The following TSC1 variants were observed in gnomAD, a reference collection of about 807,000 sequenced individuals.
The protein encoded by TSC1 is TSC complex subunit 1, also known as hamartin.
Under a neutral mutation model 124.3 loss-of-function variants are expected in TSC1, and 20 were observed. The observed-to-expected ratio is 0.16, with a 90% CI of 0.11 to 0.23. TSC1 has a LOEUF of 0.23. Among genes scored for constraint, TSC1 ranks in the 10% least tolerant of loss-of-function variants. The pLI is 1.00. For synonymous variants in TSC1, 493 were observed against 539.1 expected, an observed-to-expected ratio of 0.91 and a Z score of 1.19; for missense variants, 1,124 against 1,448.5, an observed-to-expected ratio of 0.78 and a Z score of 3.64.
chr9:132,901,931 T>C, intron 18 of TSC1: 1 of 518,384 alleles, frequency 1.9e-6, no homozygotes, highest in Non-Finnish European at 3.4e-6. Flanking sequence ...GTTCCCAAAC[T>C]GTGCACCAAA....
At chr9:132,917,580 C>T (rs748716000) in intron 8 of TSC1, among the ~76,000 whole-genome samples, 7 of 152,206 alleles carry the variant, frequency 4.6e-5, no homozygotes, top group Non-Finnish European at 7.4e-5. Context: ...GATCCTCCCC[C>T]GTCCGCCTCC....
rs748099884 is a variant in TSC1 at position 132,894,693 on chromosome 9, TAAA to T, written c.*1539_*1541del. On this transcript the variant is annotated 3_prime_UTR_variant, in exon 23 of 23. Coordinates refer to ENST00000298552, the MANE Select transcript of TSC1 (RefSeq NM_000368.5). ...GATGCTAGAATATTTATTGCCATGC[TAAA>T]AAAAAAAAAAAAAAAAAAAGACTTT... 1,066 of 112,684 alleles carry T rather than the reference TAAA, an allele frequency of 9.5e-3. No individual in the cohort carries two copies. The highest frequency in any genetic ancestry group is 0.023 in the Middle Eastern group (8 of 352). The allele number at this position is 112,684 out of a possible 1,614,324, so 7.0% of individuals were successfully genotyped here.
intron 1 of TSC1, chr9:132,939,005 C>T (rs1311566491): frequency 6.6e-6 from 1 of 152,192 alleles, no homozygotes; most frequent in Non-Finnish European, 1.5e-5. Context: ...GATGTCTCTT[C>T]ACTATAACTT....
At chr9:132,913,527 G>C (rs1039405877) in intron 8 of TSC1, among the ~76,000 whole-genome samples, 3 of 152,048 alleles carry the variant, frequency 2.0e-5, no homozygotes, top group African/African-American at 7.2e-5. Flanking sequence ...GTGCTGTGCT[G>C]AACACTGTTG....
chr9:132,944,932 G>GGGGGC (rs932838482), upstream of TSC1: 4 of 249,568 alleles, frequency 1.6e-5, no homozygotes, highest in East Asian at 1.4e-4. Context: ...GAGAGCCCGA[G>GGGGGC]GGGGCGGGGC....
intron 12 of TSC1, chr9:132,909,983 A>T (rs913041546): frequency 1.3e-5 from 2 of 155,524 alleles, no homozygotes; most frequent in Non-Finnish European, 2.8e-5. Flanking sequence ...GGGAAGGGCA[A>T]ATGACAGCTT....
chr9:132,937,706 GT>G (rs1469514009), intron 1 of TSC1, among the ~76,000 whole-genome samples: 1 of 152,016 alleles, frequency 6.6e-6, no homozygotes, highest in African/African-American at 2.4e-5. Context: ...TTGGTGGTTG[GT>G]TTTTTTGTTT....
At position 132,917,552 on chromosome 9, in the gene TSC1, G is replaced by A. The variant is rs914256921; in HGVS notation, c.737+3811C>T. Among the ~76,000 whole-genome samples the A allele has an allele frequency of 9.0e-4, 137 of 151,942 alleles. 9 individuals are homozygous for A. Among genetic ancestry groups the A allele is most frequent in the Non-Finnish European group, 4.4e-5 (3 of 67,998 alleles). Reference sequence around the variant, plus strand: ...TCACCATGTTGGCCAGGCTGGTCTCGAACTCCTGACCTCAAGAGATCCTCC... The same window carrying A: ...TCACCATGTTGGCCAGGCTGGTCTCAAACTCCTGACCTCAAGAGATCCTCC... On this transcript the variant is annotated intron_variant, in intron 8 of 22. Transcript: ENST00000298552.
At chr9:132,917,627 C>T (rs985828844) in intron 8 of TSC1, among the ~76,000 whole-genome samples, 10 of 152,236 alleles carry the variant, frequency 6.6e-5, no homozygotes, top group South Asian at 4.2e-4. Context: ...CCACTGCACC[C>T]GGCTCTTCTT....
At position 132,896,574 on chromosome 9, in the gene TSC1, TG is replaced by T; in HGVS notation, c.3155del (p.Pro1052HisfsTer39). ...TGCTGAATGGGCCTGCCCTCTGGTGTGGGGGTTTCTCTGGGGTAGAAAGCTC... is the reference window on the plus strand; with the variant it reads ...TGCTGAATGGGCCTGCCCTCTGGTGTGGGGTTTCTCTGGGGTAGAAAGCTC... ...SSELSTPEKP[P>X]HQRAGPFSSR... On this transcript the variant is annotated frameshift_variant, in exon 23 of 23. Coordinates refer to ENST00000298552, the MANE Select transcript of TSC1 (RefSeq NM_000368.5). LOFTEE classifies it high-confidence loss of function. This position sits in a 1 kb window ranked among gnomAD's most constrained non-coding sequence, Gnocchi z 4.5. 6.2e-7 allele frequency: 1 copy of T among 1,613,972 alleles called. No homozygotes were observed. Among genetic ancestry groups the T allele is most frequent in the Non-Finnish European group, 8.5e-7 (1 of 1,179,938 alleles).
intron 2 of TSC1, among the ~76,000 whole-genome samples, chr9:132,931,611 A>G (rs912713794): frequency 6.6e-6 from 1 of 152,206 alleles, no homozygotes; most frequent in African/African-American, 2.4e-5. Flanking sequence ...TCTTCGCATA[A>G]GTGGCTCAAG....
chr9:132,927,093 C>A, intron 4 of TSC1, 108 bp downstream of exon 4: 1 of 1,053,894 alleles, frequency 9.5e-7, no homozygotes, highest in Non-Finnish European at 1.4e-6. Context: ...ATCAGTGGCG[C>A]ACAGAAATCA....
In TSC1 at chr9:132,901,882, A is replaced by G. The variant is rs77608441; in HGVS notation, c.2392-183T>C. ...GTTATGGTTGATTTCTGAGTTCCTT[A>G]CTGTTTAACAAAAGAAAAAAAGAGA... On this transcript the variant is annotated intron_variant, in intron 18 of 22. Coordinates refer to ENST00000298552, the MANE Select transcript of TSC1 (RefSeq NM_000368.5). 9.0e-3 allele frequency: 5,342 copies of G among 594,178 alleles called. 36 individuals are homozygous for G. Among genetic ancestry groups the G allele is most frequent in the East Asian group, 0.018 (648 of 35,786 alleles). 36.8% of individuals were successfully genotyped at this position (594,178 alleles called of 1,614,324 possible).
rs11364856 is a variant in TSC1, at chr9:132,911,625, TAAAAAAAAAAAAAAAAA to T, written c.914-74_914-58del. ...GTGTGTGGTTTTAGGTTATTCTGGT[TAAAAAAAAAAAAAAAAA>T]AAAAAAAAAAAAAAGATGGTCCTCT... On this transcript the variant is annotated intron_variant, in intron 9 of 22. Transcript: ENST00000298552. 9.8e-4 allele frequency: 165 copies of T among 169,188 alleles called. 1 individual carries two copies. Among genetic ancestry groups the T allele is most frequent in the African/African-American group, 6.6e-3 (122 of 18,456 alleles). The allele number at this position is 169,188 out of a possible 1,614,324, so 10.5% of individuals were successfully genotyped here.
chr9:132,923,475 A>G lies in TSC1; in HGVS notation c.381T>C (p.Val127=), dbSNP rs1846682219. Residue 127 remains valine (V), a synonymous_variant, in exon 6 of 23, where the codon GTT becomes GTC. Transcript: ENST00000298552. This position sits in a 1 kb window ranked among gnomAD's most constrained non-coding sequence, Gnocchi z 4.2. ...LKCLKMDTDV[V]VLTTGVLVLI... ...ACACCAAGACGCCTGTTGTGAGGAC[A>G]ACGACGTCAGTGTCCATCTGCAGGA... 8 of 1,614,062 alleles carry G rather than the reference A, an allele frequency of 5.0e-6. No individual in the cohort carries two copies. Among genetic ancestry groups the G allele is most frequent in the Admixed American group, 1.7e-5 (1 of 59,996 alleles).
chr9:132,916,380 C>T (rs1340225070), intron 8 of TSC1, among the ~76,000 whole-genome samples: 3 of 152,186 alleles, frequency 2.0e-5, no homozygotes, highest in Non-Finnish European at 4.4e-5. Flanking sequence ...AGAATATGCC[C>T]TGTGCTTTTA....
chr9:132,902,280 G>A lies in TSC1; in HGVS notation c.2391+325C>T, dbSNP rs1473589121. Among the ~76,000 whole-genome samples, 1 of 152,162 alleles carries A rather than the reference G, an allele frequency of 6.6e-6. No homozygotes were observed. Among genetic ancestry groups the A allele is most frequent in the Non-Finnish European group, 1.5e-5 (1 of 68,034 alleles). On this transcript the variant is annotated intron_variant, in intron 18 of 22. Coordinates refer to ENST00000298552, the MANE Select transcript of TSC1 (RefSeq NM_000368.5). This position sits in a 1 kb window ranked among gnomAD's most constrained non-coding sequence, Gnocchi z 5.2. Reference sequence around the variant, plus strand: ...AATTTATGTGTATTATCTGTGAACAGCTACTAAGTTCTTAGGACATTCGTA... The same window carrying A: ...AATTTATGTGTATTATCTGTGAACAACTACTAAGTTCTTAGGACATTCGTA...
chr9:132,913,906 T>G (rs1428878696), intron 8 of TSC1, among the ~76,000 whole-genome samples: 4 of 139,356 alleles, frequency 2.9e-5, no homozygotes, highest in Non-Finnish European at 6.3e-5. Context: ...TTTTTTTTTT[T>G]TTTTTTTTTT....
At chr9:132,925,484 A>C (rs1370215992) in intron 5 of TSC1, 103 bp downstream of exon 5, 6 of 1,465,648 alleles carry the variant, frequency 4.1e-6, no homozygotes, top group Non-Finnish European at 4.7e-6. Context: ...AGAAGGTTTT[A>C]AACTCTAAAA....
Sources: gnomAD v4.1 joint callset for allele counts (sites outside exome capture counted in the v4.1 genomes callset) on GRCh38, gnomAD v4.1.1 for gene constraint, Gnocchi (gnomAD v3.1) non-coding constraint, MANE v1.5 for transcripts, NCBI Gene and HGNC (gene_info 2026-07-23, HGNC 2026-07-21) for gene names.